DAB1: variants seen among roughly 807,000 people sequenced by gnomAD.
DAB1 encodes the protein DAB adaptor protein 1, also known as disabled homolog 1.
DAB1 carries 15 observed loss-of-function variants against 64.6 expected under a neutral mutation model. That is an observed-to-expected ratio of 0.23 (90% confidence interval 0.16 to 0.36). The LOEUF is 0.36. Among genes scored for constraint, DAB1 ranks in the 10% least tolerant of loss-of-function variants. The pLI is 1.00. For synonymous variants in DAB1, 235 were observed against 251.9 expected (o/e 0.93, Z 0.64); for missense variants, 596 against 706.7 (o/e 0.84, Z 1.78).
intron 7 of DAB1, among the ~76,000 whole-genome samples, chr1:57,539,673 CT>C (rs1644777609): frequency 6.6e-6 from 1 of 152,090 alleles, no homozygotes; most frequent in Non-Finnish European, 1.5e-5. Context: ...AAATCTACTT[CT>C]GAATGAATGA....
intron 2 of DAB1, among the ~76,000 whole-genome samples, chr1:57,150,224 C>G (rs945431015): frequency 6.6e-5 from 10 of 152,188 alleles, no homozygotes; most frequent in Non-Finnish European, 1.3e-4. Flanking sequence ...AAATAGCATA[C>G]AAGACAGTGA....
At chr1:57,094,879 T>C (rs1218935717) in intron 4 of DAB1, among the ~76,000 whole-genome samples, 1 of 152,112 alleles carries the variant, frequency 6.6e-6, no homozygotes, top group Non-Finnish European at 1.5e-5. Context: ...AGTCTTAAAG[T>C]ATCTAGTCAT....
intron 1 of DAB1, among the ~76,000 whole-genome samples, chr1:57,409,534 G>C (rs1184898838): frequency 1.3e-5 from 2 of 152,160 alleles, no homozygotes; most frequent in Non-Finnish European, 2.9e-5. Context: ...TCAGGGGCTG[G>C]GCGTGGTGGC....
chr1:57,921,221 T>C (rs1644803464), intron 5 of DAB1, among the ~76,000 whole-genome samples: 1 of 152,182 alleles, frequency 6.6e-6, no homozygotes, highest in South Asian at 2.1e-4. Flanking sequence ...TCTGGAGCAC[T>C]GTATTAAAAA....
At chr1:57,473,297 C>A (rs944428785) in intron 7 of DAB1, among the ~76,000 whole-genome samples, 1 of 152,206 alleles carries the variant, frequency 6.6e-6, no homozygotes, top group African/African-American at 2.4e-5. Flanking sequence ...CAGGGCTGGA[C>A]ACCCACCTTC....
At chr1:57,076,336 G>T (rs981013688) in intron 4 of DAB1, among the ~76,000 whole-genome samples, 1 of 152,138 alleles carries the variant, frequency 6.6e-6, no homozygotes, top group African/African-American at 2.4e-5. Context: ...TTATTGTCTT[G>T]GGAAAACTTA....
At chr1:57,084,368 G>A (rs904076282) in intron 4 of DAB1, among the ~76,000 whole-genome samples, 6 of 152,142 alleles carry the variant, frequency 3.9e-5, no homozygotes, top group African/African-American at 1.2e-4. Context: ...CTTCTGCACA[G>A]CCCTCAGAAA....
At chr1:57,730,612 A>T (rs1012606971) in intron 6 of DAB1, among the ~76,000 whole-genome samples, 1 of 152,236 alleles carries the variant, frequency 6.6e-6, no homozygotes, top group African/African-American at 2.4e-5. Context: ...ATGAGGAGGT[A>T]GACATGGTTG....
chr1:57,344,981 C>T (rs751828443), intron 1 of DAB1, among the ~76,000 whole-genome samples: 3 of 152,176 alleles, frequency 2.0e-5, no homozygotes, highest in Non-Finnish European at 4.4e-5. Context: ...ATGTGCTACC[C>T]CGATAGGATA....
At chr1:57,739,997 C>A (rs868332063) in intron 6 of DAB1, among the ~76,000 whole-genome samples, 1 of 140,488 alleles carries the variant, frequency 7.1e-6, no homozygotes, top group Middle Eastern at 3.8e-3. Flanking sequence ...GAGTCCAAGA[C>A]CAGCTTGGCC....
At chr1:57,805,586 C>T (rs771581556) in intron 6 of DAB1, among the ~76,000 whole-genome samples, 3 of 152,124 alleles carry the variant, frequency 2.0e-5, no homozygotes, top group Non-Finnish European at 4.4e-5. Flanking sequence ...ATATCATTAA[C>T]GTATTGATGA....
At chr1:57,701,715 GAAAAAATAACAAA>G (rs1557431774) in intron 6 of DAB1, among the ~76,000 whole-genome samples, 1 of 151,216 alleles carries the variant, frequency 6.6e-6, no homozygotes, top group Non-Finnish European at 1.5e-5. Context: ...AATAAAAAAA[GAAAAAATAACAAA>G]AAAAAATAGT....
intron 1 of DAB1, among the ~76,000 whole-genome samples, chr1:57,313,704 T>C (rs1005824835): frequency 6.6e-6 from 1 of 152,212 alleles, no homozygotes; most frequent in African/African-American, 2.4e-5. Flanking sequence ...ATTACGTTTA[T>C]TATTCAGAAA....
intron 4 of DAB1, among the ~76,000 whole-genome samples, chr1:57,130,068 G>A (rs1657516650): frequency 1.3e-5 from 2 of 151,710 alleles, no homozygotes; most frequent in African/African-American, 2.4e-5. Flanking sequence ...ATGGGAGTGT[G>A]AGTCAACTCA....
rs373699616 is a variant in DAB1, at chr1:57,684,347, T to TA, written n.552-34683dup. Among the ~76,000 whole-genome samples the TA allele has an allele frequency of 6.2e-3, 913 of 147,498 alleles. 7 individuals carry two copies. Among genetic ancestry groups the TA allele is most frequent in the African/African-American group, 0.019 (783 of 40,222 alleles). Reference sequence around the variant, plus strand: ...CAGATTCACTAAGGTCAATGCAAAATAAAAAAAAAATCTTAAAGGCAGCTA... The same window carrying TA: ...CAGATTCACTAAGGTCAATGCAAAATAAAAAAAAAAATCTTAAAGGCAGCTA... On this transcript the variant is annotated intron_variant and non_coding_transcript_variant, in intron 6 of 20. Coordinates refer to the DAB1 transcript ENST00000485760.
At chr1:57,449,054 C>T (rs747062661) in intron 7 of DAB1, among the ~76,000 whole-genome samples, 1 of 152,096 alleles carries the variant, frequency 6.6e-6, no homozygotes, top group Non-Finnish European at 1.5e-5. Flanking sequence ...CTCACCCCAT[C>T]TCATCTGGAG....
At chr1:58,409,711 T>C (rs1221572004) in intron 3 of DAB1, among the ~76,000 whole-genome samples, 1 of 152,206 alleles carries the variant, frequency 6.6e-6, no homozygotes, top group Non-Finnish European at 1.5e-5. Flanking sequence ...TGGAGTTATA[T>C]GATCATTAAG....
chr1:57,856,408 C>T (rs1421785467), intron 1 of DAB1, among the ~76,000 whole-genome samples: 8 of 152,148 alleles, frequency 5.3e-5, no homozygotes, highest in Non-Finnish European at 1.0e-4. Context: ...CTTTTTATTT[C>T]TAGCATCTAG....
At chr1:57,628,827 T>C (rs1645953816) in intron 7 of DAB1, among the ~76,000 whole-genome samples, 1 of 152,222 alleles carries the variant, frequency 6.6e-6, no homozygotes, top group African/African-American at 2.4e-5. Flanking sequence ...CTCTTCTCAT[T>C]TCCAGTTTTT....
Sources: gnomAD v4.1 joint callset for allele counts (sites outside exome capture counted in the v4.1 genomes callset) on GRCh38, gnomAD v4.1.1 for gene constraint, MANE v1.5 for transcripts, NCBI Gene and HGNC (gene_info 2026-07-23, HGNC 2026-07-21) for gene names.